Variants in PAN3 observed in about 807,000 individuals in gnomAD.
The protein encoded by PAN3 is PAN2-PAN3 deadenylation complex subunit PAN3.
Under a neutral mutation model 96.2 loss-of-function variants are expected in PAN3, and 19 were observed. That is an observed-to-expected ratio of 0.20 (90% CI 0.14 to 0.29). The LOEUF is 0.29. Among genes scored for constraint, PAN3 ranks in the 10% least tolerant of loss-of-function variants. The pLI is 1.00. For synonymous variants in PAN3, 433 were observed against 406.6 expected, an observed-to-expected ratio of 1.06 and a Z score of -0.78; for missense variants, 882 against 1,108.1, an observed-to-expected ratio of 0.80 and a Z score of 2.90.
At chr13:28,224,428 A>G (rs1881775581) in intron 6 of PAN3, among the ~76,000 whole-genome samples, 1 of 152,152 alleles carries the variant, frequency 6.6e-6, no homozygotes, top group African/African-American at 2.4e-5. Context: ...GGAATTGAGC[A>G]TCTCTCCTTC....
At chr13:28,207,926 C>T (rs942248044) in intron 5 of PAN3, among the ~76,000 whole-genome samples, 3 of 152,114 alleles carry the variant, frequency 2.0e-5, no homozygotes, top group Non-Finnish European at 2.9e-5. Flanking sequence ...TTCCTCACAG[C>T]GCCTAGTACA....
intron 6 of PAN3, among the ~76,000 whole-genome samples, chr13:28,235,306 A>T (rs1446734433): frequency 6.6e-6 from 1 of 152,070 alleles, no homozygotes; most frequent in Non-Finnish European, 1.5e-5. Flanking sequence ...TCCCCTGTTT[A>T]CTTCCTTTAA....
At chr13:28,203,377 C>T (rs1878969507) in intron 5 of PAN3, among the ~76,000 whole-genome samples, 1 of 152,152 alleles carries the variant, frequency 6.6e-6, no homozygotes, top group Admixed American at 6.5e-5. Context: ...CGTCATGGCC[C>T]ACTGCAGCGT....
Position 28,147,028 on chromosome 13 carries a change from T to C in PAN3, c.430+7941T>C, listed in dbSNP as rs1303400587. Among the ~76,000 whole-genome samples, 3 of 152,050 alleles carry C rather than the reference T, an allele frequency of 2.0e-5. No individual in the cohort carries two copies. The East Asian group carries it at 5.8e-4, about 29-fold the overall frequency. Reference sequence around the variant, plus strand: ...AAATAGAAAAGGTACAGTAAAAATATAGTGTTACAGTTTTATGTGATCACC... The same window carrying C: ...AAATAGAAAAGGTACAGTAAAAATACAGTGTTACAGTTTTATGTGATCACC... On this transcript the variant is annotated intron_variant, in intron 1 of 18. Coordinates refer to ENST00000380958, the MANE Select transcript of PAN3 (RefSeq NM_175854.8).
intron 6 of PAN3, among the ~76,000 whole-genome samples, chr13:28,247,753 TC>T (rs370095214): frequency 1.6e-4 from 24 of 152,324 alleles, no homozygotes; most frequent in African/African-American, 5.5e-4. Flanking sequence ...TGTATTTATT[TC>T]AAGTTCTGTG....
chr13:28,205,576 T>C (rs573378578), intron 5 of PAN3, among the ~76,000 whole-genome samples: 1 of 152,040 alleles, frequency 6.6e-6, no homozygotes, highest in Non-Finnish European at 1.5e-5. Context: ...GATAACTCAT[T>C]CTTGTAATCC....
At chr13:28,229,236 G>T (rs1459437746) in intron 6 of PAN3, among the ~76,000 whole-genome samples, 4 of 152,142 alleles carry the variant, frequency 2.6e-5, no homozygotes, top group African/African-American at 4.8e-5. Flanking sequence ...TTTCTCATTT[G>T]CATCTTTTGT....
chr13:28,195,479 A>G (rs1362182210), intron 4 of PAN3, among the ~76,000 whole-genome samples: 4 of 152,130 alleles, frequency 2.6e-5, no homozygotes, highest in Non-Finnish European at 5.9e-5. Flanking sequence ...ACCTTTCTCA[A>G]TGCAAGTTTA....
chr13:28,203,159 C>T (rs1878941905), intron 5 of PAN3, among the ~76,000 whole-genome samples: 2 of 151,422 alleles, frequency 1.3e-5, no homozygotes, highest in South Asian at 4.2e-4. Context: ...CAGGGTTTCA[C>T]CGTGTTGCCC....
chr13:28,236,302 T>C (rs970984917), intron 6 of PAN3, among the ~76,000 whole-genome samples: 2 of 152,200 alleles, frequency 1.3e-5, no homozygotes, highest in African/African-American at 4.8e-5. Flanking sequence ...CAGATCAGAA[T>C]CACATACGGT....
At chr13:28,248,438 G>A (rs1884413156) in intron 6 of PAN3, among the ~76,000 whole-genome samples, 1 of 152,042 alleles carries the variant, frequency 6.6e-6, no homozygotes, top group Non-Finnish European at 1.5e-5. Context: ...TAATTGCTGG[G>A]GCTAGGACTT....
chr13:28,224,122 C>T (rs773580100), intron 6 of PAN3, among the ~76,000 whole-genome samples: 4 of 152,094 alleles, frequency 2.6e-5, no homozygotes, highest in Admixed American at 6.6e-5. Context: ...CTGCCCGCCT[C>T]GGCCTCCCAA....
intron 18 of PAN3, among the ~76,000 whole-genome samples, chr13:28,289,150 A>G (rs1020577601): frequency 6.6e-6 from 1 of 152,222 alleles, no homozygotes; most frequent in Non-Finnish European, 1.5e-5. Flanking sequence ...ATAATCAAGT[A>G]GTAAATAATA....
chr13:28,220,164 C>A, intron 5 of PAN3, 67 bp from the exon 6 acceptor site: 1 of 1,463,426 alleles, frequency 6.8e-7, no homozygotes, highest in Non-Finnish European at 9.4e-7. Context: ...GTGGAATATG[C>A]CTAGTAGATT....
chr13:28,243,080 CAAT>C (rs1184848488), intron 6 of PAN3, among the ~76,000 whole-genome samples: 4 of 152,160 alleles, frequency 2.6e-5, no homozygotes, highest in African/African-American at 9.7e-5. Context: ...TGATGGCAAA[CAAT>C]GATAGCTTTA....
At chr13:28,141,288 A>C (rs959139010) in intron 1 of PAN3, among the ~76,000 whole-genome samples, 4 of 151,846 alleles carry the variant, frequency 2.6e-5, no homozygotes, top group African/African-American at 9.7e-5. Context: ...TACAGGTGTG[A>C]GCCACTGTGC....
chr13:28,255,855 G>A (rs9582029), intron 6 of PAN3, among the ~76,000 whole-genome samples: 3,736 of 151,582 alleles, frequency 0.025, 66 homozygotes, highest in Non-Finnish European at 0.037. Context: ...TATATTTGGG[G>A]AATGTGCTAT....
chr13:28,190,793 T>G lies in PAN3; in HGVS notation c.691-6392T>G, dbSNP rs145819078. ...AGCACGGGGGAAACCACTCCCATGATTCAGTCACTCCCTTAACACATGGGC... is the reference window on the plus strand; with the variant it reads ...AGCACGGGGGAAACCACTCCCATGAGTCAGTCACTCCCTTAACACATGGGC... On this transcript the variant is annotated intron_variant, in intron 4 of 18. Coordinates refer to ENST00000380958, the MANE Select transcript of PAN3 (RefSeq NM_175854.8). Among the ~76,000 whole-genome samples the G allele has an allele frequency of 1.5e-4, 23 of 152,274 alleles. No homozygotes were observed. The East Asian group carries it at 4.2e-3, about 28-fold the overall frequency.
intron 6 of PAN3, among the ~76,000 whole-genome samples, chr13:28,245,556 T>TA (rs1230214055): frequency 6.6e-6 from 1 of 152,178 alleles, no homozygotes; most frequent in East Asian, 1.9e-4. Flanking sequence ...TCAATCCTTT[T>TA]AAAGTATGTA....
Sources: allele counts gnomAD v4.1 joint callset (sites outside exome capture counted in the v4.1 genomes callset), GRCh38; gene constraint gnomAD v4.1.1; transcripts MANE v1.5; gene names NCBI Gene and HGNC (gene_info 2026-07-23, HGNC 2026-07-21).